The following GLDN variants were observed in gnomAD, a reference collection of about 807,000 sequenced individuals.
GLDN encodes the protein collomin.
A neutral mutation model predicts 56.5 loss-of-function variants in GLDN; 47 were observed. The ratio of observed to expected loss-of-function variants is 0.83; its 90% confidence interval spans 0.66 to 1.06. GLDN has a LOEUF of 1.06. Among genes scored for constraint, GLDN ranks in the 50% least tolerant of loss-of-function variants. GLDN has a pLI of 0.00. For synonymous variants in GLDN, 332 were observed against 278.8 expected (o/e 1.19, Z -1.90); for missense variants, 782 against 714.3 (o/e 1.09, Z -1.08).
At position 51,400,261 on chromosome 15, in the gene GLDN, A is replaced by G; in HGVS notation, c.887A>G (p.His296Arg). 6.2e-7 allele frequency: 1 copy of G among 1,614,238 alleles called. No individual in the cohort carries two copies. Among genetic ancestry groups the G allele is most frequent in the Non-Finnish European group, 8.5e-7 (1 of 1,180,024 alleles). ...GCTGATGAGAAAGCCAGTGAACACC[A>G]TTCCCCACAAGCAGGTATAGAAACA... The part of the protein sequence containing the change: ...GKADEKASEH[H>R]SPQAESMITS... Residue 296 changes from histidine to arginine, a missense_variant, in exon 7 of 10, where the codon CAT becomes CGT. His to Arg is a conservative substitution (Grantham distance 29, BLOSUM62 0). Coordinates refer to ENST00000335449, the MANE Select transcript of GLDN (RefSeq NM_181789.4).
chr15:51,346,797 C>T (rs1294772689), intron 1 of GLDN, among the ~76,000 whole-genome samples: 1 of 152,140 alleles, frequency 6.6e-6, no homozygotes, highest in Non-Finnish European at 1.5e-5. Context: ...CGGGTGTGGT[C>T]GCTCACGCCT....
chr15:51,364,972 T>C (rs925610027), intron 1 of GLDN, among the ~76,000 whole-genome samples: 2 of 152,212 alleles, frequency 1.3e-5, no homozygotes, highest in Non-Finnish European at 2.9e-5. Context: ...CTACTGTTTA[T>C]TTAGCAGTCA....
chr15:51,353,835 G>A lies in GLDN; in HGVS notation c.363+11788G>A, dbSNP rs116198428. ...CACCACACACAAAAAAGAAATTCTT[G>A]GCCAAATCTACTTGACATTCAAGAT... On this transcript the variant is annotated intron_variant, in intron 1 of 9. Coordinates refer to ENST00000335449, the MANE Select transcript of GLDN (RefSeq NM_181789.4). Among the ~76,000 whole-genome samples, 1,308 of 148,734 alleles carry A rather than the reference G, an allele frequency of 8.8e-3. 18 individuals carry two copies. The highest frequency in any genetic ancestry group is 0.031 in the African/African-American group (1,258 of 40,010).
chr15:51,411,530 G>C (rs1434217379), downstream of GLDN, among the ~76,000 whole-genome samples: 2 of 152,218 alleles, frequency 1.3e-5, no homozygotes, highest in Non-Finnish European at 2.9e-5. Context: ...TTCTATAGAA[G>C]ACCTGATAAC....
At chr15:51,411,158 T>G (rs2038460838), downstream of GLDN, among the ~76,000 whole-genome samples, 1 of 152,208 alleles carries the variant, frequency 6.6e-6, no homozygotes, top group South Asian at 2.1e-4. Flanking sequence ...GATAAAAAGC[T>G]GAGCGTGACT....
At chr15:51,382,919 G>T (rs188405370) in intron 2 of GLDN, among the ~76,000 whole-genome samples, 6 of 152,168 alleles carry the variant, frequency 3.9e-5, no homozygotes, top group East Asian at 1.9e-4. Context: ...ACCTGATCTG[G>T]GCTCTCAATT....
At chr15:51,375,762 T>A (rs1325457697) in intron 1 of GLDN, among the ~76,000 whole-genome samples, 1 of 152,190 alleles carries the variant, frequency 6.6e-6, no homozygotes, top group Non-Finnish European at 1.5e-5. Context: ...AGCAGGTGCA[T>A]TCCTCAAGGC....
chr15:51,383,786 A>G lies in GLDN; in HGVS notation c.435A>G (p.Gly145=), dbSNP rs1432580959. The G allele has an allele frequency of 1.2e-6, 2 of 1,602,668 alleles. No homozygotes were observed. The highest frequency in any genetic ancestry group is 2.2e-5 in the South Asian group (2 of 89,038). ...ICLTGPSGPP[G]PPGAGGLPGH... Reference sequence around the variant, plus strand: ...CCCTGTTTCTGTGTTTTGATGCAGGACCTCCGGGAGCCGGCGGGTTGCCAG... The same window carrying G: ...CCCTGTTTCTGTGTTTTGATGCAGGGCCTCCGGGAGCCGGCGGGTTGCCAG... Residue 145 remains glycine (G), a splice_region_variant and synonymous_variant, in exon 4 of 10, where the codon GGA becomes GGG. Coordinates refer to ENST00000335449, the MANE Select transcript of GLDN (RefSeq NM_181789.4).
chr15:51,366,633 A>G (rs921458569), intron 1 of GLDN, among the ~76,000 whole-genome samples: 2 of 152,248 alleles, frequency 1.3e-5, no homozygotes, highest in Non-Finnish European at 2.9e-5. Flanking sequence ...ATGAATTCAA[A>G]TAAGCGAGGT....
intron 4 of GLDN, among the ~76,000 whole-genome samples, chr15:51,394,338 A>T (rs1017745470): frequency 1.3e-5 from 2 of 152,082 alleles, no homozygotes; most frequent in African/African-American, 4.8e-5. Flanking sequence ...GCAGGCCGGG[A>T]GCAGTGGCTC....
intron 1 of GLDN, among the ~76,000 whole-genome samples, chr15:51,343,507 G>A (rs916183661): frequency 3.9e-5 from 6 of 152,126 alleles, no homozygotes; most frequent in African/African-American, 1.4e-4. Context: ...TTTCGTATCC[G>A]AATTGCAACC....
At chr15:51,355,007 G>A (rs1011561820) in intron 1 of GLDN, among the ~76,000 whole-genome samples, 1 of 152,196 alleles carries the variant, frequency 6.6e-6, no homozygotes, top group Non-Finnish European at 1.5e-5. Context: ...AGAGAAGCTT[G>A]AATTAATTTT....
chr15:51,372,416 GA>G (rs1158301810), intron 1 of GLDN, among the ~76,000 whole-genome samples: 1 of 152,192 alleles, frequency 6.6e-6, no homozygotes, highest in Non-Finnish European at 1.5e-5. Flanking sequence ...CCACCTGGGA[GA>G]TGAACCTGAT....
intron 1 of GLDN, among the ~76,000 whole-genome samples, chr15:51,372,493 T>G (rs1213232545): frequency 6.6e-6 from 1 of 152,190 alleles, no homozygotes; most frequent in Non-Finnish European, 1.5e-5. Context: ...CAACAGGGCA[T>G]TCATCCTGAG....
intron 1 of GLDN, among the ~76,000 whole-genome samples, chr15:51,363,701 C>T (rs573935376): frequency 1.5e-4 from 23 of 152,296 alleles, no homozygotes; most frequent in East Asian, 3.9e-4. Context: ...GATCAGGAAG[C>T]GTTTCGAGAA....
intron 1 of GLDN, among the ~76,000 whole-genome samples, chr15:51,372,515 A>G (rs1057245237): frequency 6.6e-6 from 1 of 152,132 alleles, no homozygotes; most frequent in Non-Finnish European, 1.5e-5. Context: ...TCTCGGGGCT[A>G]CTGCTTATTA....
At chr15:51,365,873 C>T (rs1433187246) in intron 1 of GLDN, among the ~76,000 whole-genome samples, 3 of 152,172 alleles carry the variant, frequency 2.0e-5, no homozygotes, top group African/African-American at 7.2e-5. Flanking sequence ...CTCATAAATA[C>T]GTACAATTTC....
downstream of GLDN, among the ~76,000 whole-genome samples, chr15:51,408,294 A>T (rs922748218): frequency 6.6e-6 from 1 of 152,226 alleles, no homozygotes; most frequent in African/African-American, 2.4e-5. Context: ...AATTGAGGAC[A>T]TAATATTTGA....
chr15:51,381,228 T>A (rs1237891591), intron 2 of GLDN, among the ~76,000 whole-genome samples: 3 of 152,216 alleles, frequency 2.0e-5, no homozygotes, highest in Admixed American at 1.3e-4. Flanking sequence ...GACGTGGTTA[T>A]CAGACTGTCG....
Sources: allele counts gnomAD v4.1 joint callset (sites outside exome capture counted in the v4.1 genomes callset), GRCh38; gene constraint gnomAD v4.1.1; transcripts MANE v1.5; gene names NCBI Gene and HGNC (gene_info 2026-07-23, HGNC 2026-07-21).